Variants in NALF1 observed in about 807,000 individuals in gnomAD.
NALF1 encodes family with sequence similarity 155 member A.
A neutral mutation model predicts 48.4 loss-of-function variants in NALF1; 3 were observed. That is an observed-to-expected ratio of 0.06 (90% CI 0.03 to 0.16). The LOEUF is 0.16. Among genes scored for constraint, NALF1 ranks in the 10% least tolerant of loss-of-function variants. The probability of loss-of-function intolerance (pLI) is 1.00; values close to 1 mark genes in which losing one functional copy is unlikely to be tolerated. For missense variants in NALF1, 526 were observed against 571.5 expected (o/e 0.92, Z 0.81); for synonymous variants, 262 against 245.7 (o/e 1.07, Z -0.62).
intron 1 of NALF1, among the ~76,000 whole-genome samples, chr13:107,791,421 G>A (rs1483571917): frequency 6.6e-6 from 1 of 152,054 alleles, no homozygotes; most frequent in Non-Finnish European, 1.5e-5. Context: ...TGGGGCATGG[G>A]TGATTATCGT....
chr13:107,213,150 C>T (rs148834409), intron 1 of NALF1, among the ~76,000 whole-genome samples: 60 of 146,274 alleles, frequency 4.1e-4, no homozygotes, highest in African/African-American at 1.5e-3. Context: ...CAGCATTGCC[C>T]GATGGGAACA....
At chr13:107,449,821 A>T (rs1884710683) in intron 1 of NALF1, among the ~76,000 whole-genome samples, 1 of 152,194 alleles carries the variant, frequency 6.6e-6, no homozygotes, top group Admixed American at 6.5e-5. Context: ...CCTGAAGTAG[A>T]TGTTATCAAC....
intron 1 of NALF1, among the ~76,000 whole-genome samples, chr13:107,479,848 T>A (rs1444179036): frequency 1.3e-5 from 2 of 152,140 alleles, no homozygotes; most frequent in Non-Finnish European, 2.9e-5. Context: ...TTTCAAGAAC[T>A]CCAGAGGAAA....
chr13:107,651,130 T>C (rs551608744), intron 1 of NALF1, among the ~76,000 whole-genome samples: 5 of 80,668 alleles, frequency 6.2e-5, no homozygotes, highest in African/African-American at 1.9e-4. Context: ...ATTTGTTTAA[T>C]GATGAGATAA....
intron 1 of NALF1, among the ~76,000 whole-genome samples, chr13:107,421,678 G>A (rs141380734): frequency 8.5e-5 from 13 of 152,182 alleles, no homozygotes; most frequent in African/African-American, 2.9e-4. Context: ...TTACCCTGAC[G>A]GCTATCACAA....
chr13:107,480,303 G>C (rs1001466021), intron 1 of NALF1, among the ~76,000 whole-genome samples: 1 of 152,140 alleles, frequency 6.6e-6, no homozygotes, highest in Non-Finnish European at 1.5e-5. Flanking sequence ...CCTTTTAATA[G>C]TAAAACATGT....
chr13:107,545,940 A>C (rs975694392), intron 1 of NALF1, among the ~76,000 whole-genome samples: 5 of 152,134 alleles, frequency 3.3e-5, no homozygotes, highest in African/African-American at 1.2e-4. Flanking sequence ...CAAACATCTT[A>C]AATGATGTTG....
At chr13:107,821,463 T>C (rs1182237693) in intron 1 of NALF1, among the ~76,000 whole-genome samples, 1 of 152,224 alleles carries the variant, frequency 6.6e-6, no homozygotes, top group African/African-American at 2.4e-5. Flanking sequence ...CCCTTTGAGA[T>C]GATGCATGAG....
At chr13:107,179,531 T>C (rs1879017631) in intron 2 of NALF1, among the ~76,000 whole-genome samples, 1 of 152,000 alleles carries the variant, frequency 6.6e-6, no homozygotes, top group South Asian at 2.1e-4. Context: ...GTTTGTAACA[T>C]AAAGAAAGAA....
chr13:107,782,079 T>C (rs1251730508), intron 1 of NALF1, among the ~76,000 whole-genome samples: 4 of 152,092 alleles, frequency 2.6e-5, no homozygotes, highest in African/African-American at 9.6e-5. Flanking sequence ...CTCCCTCTCT[T>C]TCCACGGTCT....
chr13:107,182,843 T>C (rs1254806620), intron 2 of NALF1, among the ~76,000 whole-genome samples: 3 of 152,168 alleles, frequency 2.0e-5, no homozygotes, highest in Non-Finnish European at 2.9e-5. Context: ...TTTATTTCTG[T>C]CTTATTTGGG....
intron 1 of NALF1, among the ~76,000 whole-genome samples, chr13:107,467,212 C>T (rs1205557649): frequency 6.6e-6 from 1 of 151,156 alleles, no homozygotes. Flanking sequence ...TTACATAATT[C>T]CATGTTGACA....
intron 1 of NALF1, among the ~76,000 whole-genome samples, chr13:107,624,335 A>G (rs9559107): frequency 0.58 from 88,126 of 151,922 alleles, 27,986 homozygotes; most frequent in East Asian, 0.99. Context: ...AAACATAAGA[A>G]ACAAATGAAA....
intron 1 of NALF1, among the ~76,000 whole-genome samples, chr13:107,232,271 A>G (rs1880242845): frequency 6.6e-6 from 1 of 152,216 alleles, no homozygotes; most frequent in African/African-American, 2.4e-5. Context: ...TGGGAAGTTC[A>G]AAATCAGGGG....
intron 1 of NALF1, among the ~76,000 whole-genome samples, chr13:107,330,693 A>G (rs1218803693): frequency 6.6e-6 from 1 of 152,224 alleles, no homozygotes; most frequent in African/African-American, 2.4e-5. Context: ...GGGATATTGG[A>G]ATAAATGTGC....
intron 1 of NALF1, among the ~76,000 whole-genome samples, chr13:107,639,682 G>T (rs760887456): frequency 6.6e-6 from 1 of 151,410 alleles, no homozygotes; most frequent in Non-Finnish European, 1.5e-5. Flanking sequence ...ATAAATCCTG[G>T]AATCACTAGC....
intron 1 of NALF1, among the ~76,000 whole-genome samples, chr13:107,289,660 T>A (rs1021828385): frequency 6.6e-6 from 1 of 151,942 alleles, no homozygotes; most frequent in African/African-American, 2.4e-5. Flanking sequence ...TTTCAGGGAG[T>A]AGGCATCTGA....
intron 1 of NALF1, among the ~76,000 whole-genome samples, chr13:107,396,801 C>T (rs1168861849): frequency 6.6e-6 from 1 of 152,204 alleles, no homozygotes; most frequent in Non-Finnish European, 1.5e-5. Context: ...TACTGCTCAA[C>T]TCTCACATCA....
At chr13:107,430,653 T>C (rs1884363876) in intron 1 of NALF1, among the ~76,000 whole-genome samples, 1 of 152,194 alleles carries the variant, frequency 6.6e-6, no homozygotes, top group African/African-American at 2.4e-5. Context: ...GGCTGCATAG[T>C]ATTCCATGGT....
Sources: allele counts gnomAD v4.1 joint callset (sites outside exome capture counted in the v4.1 genomes callset), GRCh38; gene constraint gnomAD v4.1.1; transcripts MANE v1.5; gene names NCBI Gene and HGNC (gene_info 2026-07-23, HGNC 2026-07-21).